TEX11: variants seen among roughly 807,000 people sequenced by gnomAD.
TEX11 encodes the protein testis expressed 11, also known as testis-expressed protein 11.
Under a neutral mutation model 84.4 loss-of-function variants are expected in TEX11, and 7 were observed. That is an observed-to-expected ratio of 0.08 (90% CI 0.05 to 0.16). TEX11 has a LOEUF of 0.16. Among genes scored for constraint, TEX11 ranks in the 10% least tolerant of loss-of-function variants. The pLI, the probability that TEX11 is intolerant of heterozygous loss-of-function variation, is 1.00. For synonymous variants in TEX11, 264 were observed against 222.8 expected (o/e 1.18, Z -1.64); for missense variants, 551 against 660.5 (o/e 0.83, Z 1.82).
chrX:70,704,892 T>A (rs975415347), intron 13 of TEX11, among the ~76,000 whole-genome samples: 2 of 111,867 alleles, frequency 1.8e-5, no homozygotes, highest in Admixed American at 1.9e-4. Context: ...CTGAATGGTA[T>A]TGCCTAGGTT....
chrX:70,579,530 A>AAAAAAAAAAAAAAAAAAC (rs2088739759), intron 25 of TEX11, among the ~76,000 whole-genome samples: 2 of 103,135 alleles, frequency 1.9e-5, no homozygotes, highest in Non-Finnish European at 3.9e-5. Flanking sequence ...AAAAAAAAAA[A>AAAAAAAAAAAAAAAAAAC]AAAACAAAAA....
At chrX:70,744,134 C>T in intron 10 of TEX11, 31 bp downstream of exon 10, 1 of 958,536 alleles carries the variant, frequency 1.0e-6, no homozygotes, top group Non-Finnish European at 1.4e-6. Context: ...GTTATTCAAC[C>T]TATTTCTACA....
chrX:70,619,296 T>A (rs1195178699), intron 20 of TEX11, among the ~76,000 whole-genome samples: 2 of 111,441 alleles, frequency 1.8e-5, no homozygotes, highest in African/African-American at 6.5e-5. Flanking sequence ...GTCTTTACCC[T>A]ATCTAGCAAA....
At chrX:70,727,693 G>A (rs921367720) in intron 11 of TEX11, among the ~76,000 whole-genome samples, 1 of 111,238 alleles carries the variant, frequency 9.0e-6, no homozygotes, top group African/African-American at 3.3e-5. Flanking sequence ...GGTCATGAGG[G>A]CTGAGCCCTC....
At chrX:70,594,144 C>T (rs559594045) in intron 24 of TEX11, among the ~76,000 whole-genome samples, 8 of 110,935 alleles carry the variant, frequency 7.2e-5, no homozygotes, top group South Asian at 3.9e-4. Context: ...GCCACATGTA[C>T]GGGTGATTAA....
At chrX:70,783,965 A>T (rs1411950213) in intron 9 of TEX11, among the ~76,000 whole-genome samples, 2 of 111,896 alleles carry the variant, frequency 1.8e-5, no homozygotes, top group African/African-American at 6.5e-5. Context: ...AAACCTCCCT[A>T]TCTCATTTTA....
intron 13 of TEX11, among the ~76,000 whole-genome samples, chrX:70,716,621 T>C (rs1436885593): frequency 8.9e-6 from 1 of 112,684 alleles, no homozygotes; most frequent in African/African-American, 3.2e-5. Context: ...GGTGTGCCAT[T>C]TGCTAATACC....
intron 9 of TEX11, among the ~76,000 whole-genome samples, chrX:70,798,117 CA>C (rs1306132080): frequency 9.3e-6 from 1 of 107,596 alleles, no homozygotes; most frequent in Non-Finnish European, 1.9e-5. Context: ...AAAATGCTAC[CA>C]AAAAACTGTC....
intron 9 of TEX11, among the ~76,000 whole-genome samples, chrX:70,800,668 C>T (rs1338595366): frequency 9.7e-6 from 1 of 102,887 alleles, no homozygotes; most frequent in East Asian, 3.0e-4. Context: ...CAAGAACTTC[C>T]TTCTTCCTAT....
chrX:70,711,271 C>A (rs1292076378), intron 13 of TEX11, among the ~76,000 whole-genome samples: 1 of 111,129 alleles, frequency 9.0e-6, no homozygotes, highest in Non-Finnish European at 1.9e-5. Flanking sequence ...GTCTTTAGAG[C>A]AGCATGATTT....
At chrX:70,786,564 T>C (rs1299906727) in intron 9 of TEX11, among the ~76,000 whole-genome samples, 1 of 111,722 alleles carries the variant, frequency 9.0e-6, no homozygotes, top group Non-Finnish European at 1.9e-5. Flanking sequence ...CCAAACTTTA[T>C]TAACAAGATT....
chrX:70,760,212 C>T (rs2090899356), intron 9 of TEX11, among the ~76,000 whole-genome samples: 1 of 111,554 alleles, frequency 9.0e-6, no homozygotes, highest in South Asian at 3.8e-4. Flanking sequence ...AGATTCAATG[C>T]CATCCCCATC....
chrX:70,858,154 A>G (rs1383964632), intron 5 of TEX11, among the ~76,000 whole-genome samples: 2 of 109,688 alleles, frequency 1.8e-5, no homozygotes, highest in Non-Finnish European at 3.8e-5. Context: ...ATCACCACTA[A>G]AGAACTTACT....
intron 9 of TEX11, among the ~76,000 whole-genome samples, chrX:70,775,617 C>T (rs1296850834): frequency 6.5e-5 from 7 of 107,929 alleles, no homozygotes; most frequent in Non-Finnish European, 9.6e-5. Context: ...CTGCCCAGCA[C>T]GGTGAAACCC....
At chrX:70,556,482 G>C (rs2088288128) in intron 25 of TEX11, among the ~76,000 whole-genome samples, 1 of 111,568 alleles carries the variant, frequency 9.0e-6, no homozygotes, top group African/African-American at 3.3e-5. Flanking sequence ...AAAATACTTG[G>C]ATATTTCAAT....
At chrX:70,585,779 G>A (rs1479789691) in intron 25 of TEX11, among the ~76,000 whole-genome samples, 1 of 112,678 alleles carries the variant, frequency 8.9e-6, no homozygotes, top group Non-Finnish European at 1.9e-5. Flanking sequence ...CAGGCCGGGT[G>A]TGGTGGCTTA....
intron 24 of TEX11, among the ~76,000 whole-genome samples, chrX:70,600,240 T>C (rs2089079694): frequency 8.9e-6 from 1 of 111,934 alleles, no homozygotes; most frequent in Non-Finnish European, 1.9e-5. Context: ...TATGTCATTG[T>C]GGTTTTGATT....
chrX:70,842,754 T>A (rs1472560777), intron 7 of TEX11, among the ~76,000 whole-genome samples: 1 of 111,693 alleles, frequency 9.0e-6, no homozygotes, highest in Non-Finnish European at 1.9e-5. Flanking sequence ...GCCCAAAATC[T>A]CCTCAAGCTG....
intron 20 of TEX11, among the ~76,000 whole-genome samples, chrX:70,616,316 T>C (rs763411795): frequency 1.2e-4 from 14 of 112,139 alleles, no homozygotes; most frequent in Non-Finnish European, 2.1e-4. Context: ...AGAATTTGTA[T>C]TATTTTTCTT....
Sources: gnomAD v4.1 joint callset for allele counts (sites outside exome capture counted in the v4.1 genomes callset) on GRCh38, gnomAD v4.1.1 for gene constraint, MANE v1.5 for transcripts, NCBI Gene and HGNC (gene_info 2026-07-23, HGNC 2026-07-21) for gene names.